STAU1: variants seen among roughly 807,000 people sequenced by gnomAD.
STAU1 encodes the protein staufen double-stranded RNA binding protein 1.
A neutral mutation model predicts 62.9 loss-of-function variants in STAU1; 13 were observed. That is an observed-to-expected ratio of 0.21 (90% CI 0.13 to 0.33). STAU1 has a LOEUF of 0.33. Among genes scored for constraint, STAU1 ranks in the 10% least tolerant of loss-of-function variants. The pLI is 1.00. For missense variants in STAU1, 571 were observed against 712.1 expected, an observed-to-expected ratio of 0.80 and a Z score of 2.25; for synonymous variants, 269 against 265.1, an observed-to-expected ratio of 1.01 and a Z score of -0.14.
At chr20:49,205,068 G>A in the STAU1 span, among the ~76,000 whole-genome samples, 1 of 152,038 alleles carries the variant, frequency 6.6e-6, no homozygotes, top group Non-Finnish European at 1.5e-5. Flanking sequence ...GTTCATTTTA[G>A]GTCAACAAGA....
intron 6 of STAU1, chr20:49,135,064 C>T (rs774006343): frequency 4.3e-5 from 53 of 1,240,268 alleles, no homozygotes; most frequent in Non-Finnish European, 5.2e-5. Flanking sequence ...CAGCATTTTC[C>T]AGCAAGATGT....
chr20:49,162,704 A>T (rs1204709757), intron 3 of STAU1, among the ~76,000 whole-genome samples: 2 of 150,732 alleles, frequency 1.3e-5, no homozygotes, highest in African/African-American at 4.9e-5. Context: ...TGAACCCGGG[A>T]GGCAGAGCTT....
intron 12 of STAU1, 131 bp from the exon 13 acceptor site, chr20:49,115,998 C>G (rs544160601): frequency 9.5e-6 from 6 of 630,860 alleles, no homozygotes; most frequent in Middle Eastern, 3.3e-4. Context: ...TCTGGTACTA[C>G]TAAATAAAAC....
intron 3 of STAU1, among the ~76,000 whole-genome samples, chr20:49,159,972 CTTAA>C (rs1448522848): frequency 6.6e-6 from 1 of 151,684 alleles, no homozygotes; most frequent in East Asian, 1.9e-4. Context: ...TTCTTAAATG[CTTAA>C]TTAAATGCTT....
Position 49,117,917 on chromosome 20 carries a change from G to T in STAU1, c.1369C>A (p.Arg457=), listed in dbSNP as rs761135300. 2.5e-6 allele frequency: 4 copies of T among 1,614,150 alleles called. No homozygotes were observed. Among genetic ancestry groups the T allele is most frequent in the Non-Finnish European group, 2.5e-6 (3 of 1,180,022 alleles). Residue 457 remains arginine (R), a synonymous_variant, in exon 11 of 14, where the codon CGA becomes AGA. Transcript: ENST00000371856. This position sits in a 1 kb window ranked among gnomAD's most constrained non-coding sequence, Gnocchi z 4.6. ...GAGGTGCCCCCATACAACAACTCTCGGGCTATCATGGCAGTTACCGTGGCC... is the reference window on the plus strand; with the variant it reads ...GAGGTGCCCCCATACAACAACTCTCTGGCTATCATGGCAGTTACCGTGGCC... ...AKATVTAMIA[R]ELLYGGTSPT... is the part of the protein sequence containing the mutation.
chr20:49,201,294 CTG>C, the STAU1 span, among the ~76,000 whole-genome samples: 1 of 151,966 alleles, frequency 6.6e-6, no homozygotes. Context: ...GGAATGAAAA[CTG>C]TGACAAACTA....
intron 6 of STAU1, among the ~76,000 whole-genome samples, chr20:49,132,237 G>T (rs6019651): frequency 6.6e-6 from 1 of 152,148 alleles, no homozygotes; most frequent in Non-Finnish European, 1.5e-5. Flanking sequence ...CCTGTCCTCA[G>T]GTTAGACTTT....
At chr20:49,148,928 C>G (rs928143036) in intron 5 of STAU1, among the ~76,000 whole-genome samples, 1 of 152,100 alleles carries the variant, frequency 6.6e-6, no homozygotes, top group Non-Finnish European at 1.5e-5. Context: ...CAACCTTGAC[C>G]ATACCTCAGA....
intron 6 of STAU1, among the ~76,000 whole-genome samples, chr20:49,131,892 T>C (rs1472435842): frequency 1.3e-5 from 2 of 151,580 alleles, no homozygotes; most frequent in Non-Finnish European, 2.9e-5. Context: ...TATGGTAAAA[T>C]GTTAACCACT....
intron 6 of STAU1, among the ~76,000 whole-genome samples, chr20:49,133,413 C>G (rs980607535): frequency 6.6e-6 from 1 of 152,184 alleles, no homozygotes; most frequent in African/African-American, 2.4e-5. Context: ...GGTACCCCTC[C>G]CCCACAACCT....
rs548541658 is a variant in STAU1, at chr20:49,131,700, G to A, written c.609+4133C>T. On this transcript the variant is annotated intron_variant, in intron 6 of 13. Coordinates refer to ENST00000371856, the MANE Select transcript of STAU1 (RefSeq NM_017453.4). ...TCTACTAAAAATACAAAAATTAGCC[G>A]AGTGTGGTGGCGTGCACCTGTAATC... 3.6e-4 allele frequency among the ~76,000 whole-genome samples: 55 copies of A among 152,006 alleles called. 1 individual carries two copies. In the South Asian group the frequency reaches 7.7e-3, roughly 21 times the overall value.
At position 49,153,925 on chromosome 20, in the gene STAU1, A is replaced by AC. The variant is rs775775776; in HGVS notation, c.344+7dup. 7.3e-6 allele frequency: 11 copies of AC among 1,511,214 alleles called. No homozygotes were observed. The highest frequency in any genetic ancestry group is 2.3e-5 in the Admixed American group (1 of 42,984). 93.6% of individuals were successfully genotyped at this position (1,511,214 alleles called of 1,614,324 possible). A position where few individuals can be genotyped will look rare whatever the true frequency, so the allele number is the denominator to read the frequency against. ...ATTTTACAAAAAAAAAAAAAAAAAA[A>AC]CACATACCTCGGGGGATAAGCACCT... On this transcript the variant is annotated splice_region_variant and intron_variant, in intron 4 of 13. Transcript: ENST00000371856.
rs111600319 is a variant in STAU1, at chr20:49,118,521, C to T, written c.1114-113G>A. The T allele has an allele frequency of 6.6e-5, 56 of 849,264 alleles. 2 individuals are homozygous for T. Among genetic ancestry groups the T allele is most frequent in the African/African-American group, 5.5e-4 (32 of 58,290 alleles). The allele number at this position is 849,264 out of a possible 1,614,324, so 52.6% of individuals were successfully genotyped here. On this transcript the variant is annotated intron_variant, in intron 9 of 13. Coordinates refer to ENST00000371856, the MANE Select transcript of STAU1 (RefSeq NM_017453.4). The stretch of plus-strand genomic sequence containing the variant: ...TCCAGTCAGCAATAACTGTGGCAAT[C>T]GGCAGAAAAACCCTGCCCCACCTGA...
chr20:49,139,161 T>C (rs938946439), intron 5 of STAU1, among the ~76,000 whole-genome samples: 1 of 152,106 alleles, frequency 6.6e-6, no homozygotes, highest in African/African-American at 2.4e-5. Context: ...AGGGGAAAAG[T>C]GTTATGACAC....
At chr20:49,165,897 G>T in intron 3 of STAU1, 100 bp downstream of exon 3, 1 of 1,213,654 alleles carries the variant, frequency 8.2e-7, no homozygotes. Flanking sequence ...TTTGCTTTTT[G>T]AAGGTAAATG....
chr20:49,134,845 C>G, intron 6 of STAU1: 1 of 1,551,028 alleles, frequency 6.4e-7, no homozygotes, highest in Non-Finnish European at 8.9e-7. Context: ...AACCTGCAAA[C>G]AAACAGGAAG....
intron 3 of STAU1, among the ~76,000 whole-genome samples, chr20:49,163,901 A>G (rs966423541): frequency 6.6e-6 from 1 of 151,990 alleles, no homozygotes; most frequent in African/African-American, 2.4e-5. Flanking sequence ...AGTAGCTGGG[A>G]CAACAGGTGC....
Position 49,134,578 on chromosome 20 carries a change from C to G in STAU1, c.609+1255G>C, listed in dbSNP as rs1470779666. The G allele has an allele frequency of 1.1e-5, 14 of 1,301,124 alleles. No individual in the cohort carries two copies. In the East Asian group the frequency reaches 3.3e-4, roughly 30 times the overall value. 80.6% of individuals were successfully genotyped at this position (1,301,124 alleles called of 1,614,324 possible). On this transcript the variant is annotated intron_variant, in intron 6 of 13. Coordinates refer to ENST00000371856, the MANE Select transcript of STAU1 (RefSeq NM_017453.4). ...GAAGTCAATTCAAAGGACCTGCCCC[C>G]AGAGAGACAAAAGATACAGATATTG...
the STAU1 span, among the ~76,000 whole-genome samples, chr20:49,204,791 G>C: frequency 1.3e-5 from 2 of 150,304 alleles, no homozygotes; most frequent in African/African-American, 4.9e-5. Flanking sequence ...TGGGATTACA[G>C]GCACCCGCCA....
Sources: gnomAD v4.1 joint callset for allele counts (sites outside exome capture counted in the v4.1 genomes callset) on GRCh38, gnomAD v4.1.1 for gene constraint, Gnocchi (gnomAD v3.1) non-coding constraint, MANE v1.5 for transcripts, NCBI Gene and HGNC (gene_info 2026-07-23, HGNC 2026-07-21) for gene names.